The following DLGAP2 variants were observed in gnomAD, a reference collection of about 807,000 sequenced individuals.
DLGAP2 encodes the protein DLG associated protein 2, also known as disks large-associated protein 2.
Under a neutral mutation model 100.3 loss-of-function variants are expected in DLGAP2, and 26 were observed. The ratio of observed to expected loss-of-function variants is 0.26; its 90% confidence interval spans 0.19 to 0.36. The LOEUF (loss-of-function observed/expected upper bound fraction) is 0.36. Ranked by LOEUF, DLGAP2 falls within the 10% of genes least tolerant of loss-of-function variation. The pLI is 1.00. For missense variants in DLGAP2, 1,858 were observed against 1,453.2 expected, an observed-to-expected ratio of 1.28 and a Z score of -4.53; for synonymous variants, 886 against 630.1, an observed-to-expected ratio of 1.41 and a Z score of -6.08.
chr8:1,530,721 A>G (rs1307862398), intron 4 of DLGAP2, among the ~76,000 whole-genome samples: 1 of 152,340 alleles, frequency 6.6e-6, no homozygotes, highest in Admixed American at 6.5e-5. Flanking sequence ...AATCTTCACA[A>G]TCCACGTTCT....
chr8:881,666 A>ATGTATATGTATATATATATATATATATAT, intron 1 of DLGAP2, among the ~76,000 whole-genome samples: 1 of 131,048 alleles, frequency 7.6e-6, no homozygotes, highest in African/African-American at 2.7e-5. Flanking sequence ...CTTGTGGCTG[A>ATGTATATGTATATATATATATATATATAT]ACACACACAC....
chr8:782,104 A>C (rs549726714), intron 1 of DLGAP2, among the ~76,000 whole-genome samples: 1 of 152,282 alleles, frequency 6.6e-6, no homozygotes, highest in East Asian at 1.9e-4. Context: ...AGAAAAGATG[A>C]ATGAGGTGAA....
intron 3 of DLGAP2, 74 bp from the exon 4 acceptor site, chr8:1,501,292 T>C: frequency 1.4e-6 from 2 of 1,463,124 alleles, no homozygotes; most frequent in Non-Finnish European, 1.9e-6. Context: ...TGGAGGGTTT[T>C]GAAGATGTGC....
intron 2 of DLGAP2, among the ~76,000 whole-genome samples, chr8:1,204,583 G>T (rs1483402633): frequency 3.0e-5 from 1 of 33,426 alleles, no homozygotes; most frequent in East Asian, 1.8e-3. Context: ...TGATGTGATA[G>T]TTTGGGTAAT....
intron 4 of DLGAP2, among the ~76,000 whole-genome samples, chr8:1,525,744 G>A (rs1800772760): frequency 6.6e-6 from 1 of 152,232 alleles, no homozygotes; most frequent in South Asian, 2.1e-4. Flanking sequence ...AATCACCTGT[G>A]TGGTGTTGGG....
chr8:1,369,859 C>G (rs1012051784), intron 3 of DLGAP2: 2 of 152,254 alleles, frequency 1.3e-5, no homozygotes, highest in Non-Finnish European at 2.9e-5. Context: ...GCGCGAGGCG[C>G]AAGGCACAAG....
chr8:1,299,758 C>T (rs926503505), intron 3 of DLGAP2, among the ~76,000 whole-genome samples: 2 of 152,116 alleles, frequency 1.3e-5, no homozygotes, highest in Non-Finnish European at 2.9e-5. Context: ...TCTACAATCC[C>T]CCCTGGACTG....
chr8:1,332,379 ATG>A (rs892670164), intron 3 of DLGAP2, among the ~76,000 whole-genome samples: 3 of 151,824 alleles, frequency 2.0e-5, no homozygotes, highest in Admixed American at 6.6e-5. Context: ...ATATCTGCAC[ATG>A]TGTGTTAGTG....
intron 1 of DLGAP2, among the ~76,000 whole-genome samples, chr8:872,536 T>G (rs1228399551): frequency 1.3e-5 from 2 of 152,148 alleles, no homozygotes; most frequent in African/African-American, 4.8e-5. Context: ...TTCTCCATGT[T>G]GGCCAGGCTG....
At chr8:1,570,192 G>T (rs187219148) in intron 6 of DLGAP2, among the ~76,000 whole-genome samples, 2 of 152,200 alleles carry the variant, frequency 1.3e-5, no homozygotes, top group Non-Finnish European at 2.9e-5. Context: ...AGACAAGACC[G>T]GGGAGGCACA....
intron 6 of DLGAP2, among the ~76,000 whole-genome samples, chr8:1,572,313 A>G (rs1584941788): frequency 9.7e-6 from 1 of 102,590 alleles, no homozygotes; most frequent in South Asian, 4.0e-4. Context: ...TGAGATGGAG[A>G]GGAGAAAGGA....
chr8:1,442,629 TGATGTGGGTTCAGCCA>T (rs1797870042), intron 3 of DLGAP2, among the ~76,000 whole-genome samples: 6 of 146,254 alleles, frequency 4.1e-5, no homozygotes, highest in Admixed American at 4.1e-4. Context: ...CCCGCCAGGC[TGATGTGGGTTCAGCCA>T]CTGGAGGAGA....
At chr8:1,156,788 CTTT>C (rs2129052189) in intron 2 of DLGAP2, among the ~76,000 whole-genome samples, 1 of 152,284 alleles carries the variant, frequency 6.6e-6, no homozygotes, top group African/African-American at 2.4e-5. Context: ...CTGACGTCTC[CTTT>C]TTGCTTTGTT....
At chr8:1,511,591 A>C (rs546723098) in intron 4 of DLGAP2, among the ~76,000 whole-genome samples, 2 of 151,610 alleles carry the variant, frequency 1.3e-5, no homozygotes, top group South Asian at 2.1e-4. Flanking sequence ...TCAATAGATG[A>C]CCATCTTCCA....
At chr8:1,326,018 T>G (rs1207146400) in intron 3 of DLGAP2, among the ~76,000 whole-genome samples, 4 of 152,200 alleles carry the variant, frequency 2.6e-5, no homozygotes, top group African/African-American at 9.7e-5. Context: ...CAGGACCCAG[T>G]GTAGAATGAA....
chr8:809,298 A>G (rs983680846), intron 1 of DLGAP2, among the ~76,000 whole-genome samples: 4 of 152,204 alleles, frequency 2.6e-5, no homozygotes, highest in African/African-American at 9.7e-5. Flanking sequence ...AAATTAGTTC[A>G]TAAACAATTA....
At chr8:1,503,692 A>G (rs920531833) in intron 4 of DLGAP2, among the ~76,000 whole-genome samples, 5 of 152,080 alleles carry the variant, frequency 3.3e-5, no homozygotes, top group African/African-American at 1.2e-4. Flanking sequence ...GAACCTCCAC[A>G]CTGCTTAGGG....
chr8:1,583,546 C>A (rs1450468772), intron 6 of DLGAP2, among the ~76,000 whole-genome samples: 1 of 152,152 alleles, frequency 6.6e-6, no homozygotes, highest in Non-Finnish European at 1.5e-5. Context: ...ATTAAGAAGC[C>A]TTTCAAAGAA....
At chr8:1,373,856 C>A (rs1013460841) in intron 3 of DLGAP2, 5 of 152,252 alleles carry the variant, frequency 3.3e-5, no homozygotes, top group African/African-American at 1.2e-4. Flanking sequence ...TATCACAGAC[C>A]CGCAGAGAAT....
Sources: gnomAD v4.1 joint callset for allele counts (sites outside exome capture counted in the v4.1 genomes callset) on GRCh38, gnomAD v4.1.1 for gene constraint, MANE v1.5 for transcripts, NCBI Gene and HGNC (gene_info 2026-07-23, HGNC 2026-07-21) for gene names.